The following PCDH15 variants were observed in gnomAD, a reference collection of about 807,000 sequenced individuals.
PCDH15 encodes the protein protocadherin-15.
Under a neutral mutation model 178.5 loss-of-function variants are expected in PCDH15, and 129 were observed. The ratio of observed to expected loss-of-function variants is 0.72; its 90% CI spans 0.63 to 0.84. The LOEUF (loss-of-function observed/expected upper bound fraction) is 0.84, where lower values mean the gene tolerates loss of function less well. Among genes scored for constraint, PCDH15 ranks in the 40% least tolerant of loss-of-function variants. PCDH15 has a pLI of 0.00. For missense variants in PCDH15, 2,230 were observed against 2,099.9 expected (o/e 1.06, Z -1.21); for synonymous variants, 800 against 732.0 (o/e 1.09, Z -1.50).
chr10:54,978,515 G>T (rs1034073505), intron 2 of PCDH15, among the ~76,000 whole-genome samples: 1 of 152,132 alleles, frequency 6.6e-6, no homozygotes, highest in African/African-American at 2.4e-5. Context: ...AGCTGATTAT[G>T]TTGGGAAGCT....
intron 2 of PCDH15, among the ~76,000 whole-genome samples, chr10:55,584,564 G>C (rs964627031): frequency 7.5e-5 from 11 of 146,304 alleles, no homozygotes; most frequent in African/African-American, 2.8e-4. Flanking sequence ...GGCTGAGGCA[G>C]GAAAATTACT....
intron 2 of PCDH15, among the ~76,000 whole-genome samples, chr10:55,066,741 A>T (rs1841574785): frequency 1.3e-5 from 2 of 150,364 alleles, no homozygotes; most frequent in Admixed American, 1.3e-4. Context: ...TTCTCTCAAA[A>T]CTATTTTTTT....
At chr10:54,668,201 C>A (rs1469586335) in intron 1 of PCDH15, among the ~76,000 whole-genome samples, 1 of 151,634 alleles carries the variant, frequency 6.6e-6, no homozygotes, top group Non-Finnish European at 1.5e-5. Flanking sequence ...TATCAGTGAA[C>A]AAAGCTGACA....
At chr10:53,873,331 A>T (rs1345109670) in intron 26 of PCDH15, among the ~76,000 whole-genome samples, 2 of 152,208 alleles carry the variant, frequency 1.3e-5, no homozygotes, top group Non-Finnish European at 2.9e-5. Context: ...AAGTCCATTT[A>T]TGTTGTTTGT....
At chr10:53,998,811 G>C (rs1445563341) in intron 20 of PCDH15, among the ~76,000 whole-genome samples, 2 of 151,932 alleles carry the variant, frequency 1.3e-5, no homozygotes, top group East Asian at 3.9e-4. Context: ...CAACACTTTG[G>C]GAGGCTGAGG....
At chr10:53,808,702 G>A in intron 37 of PCDH15, 1 of 1,612,640 alleles carries the variant, frequency 6.2e-7, no homozygotes, top group Non-Finnish European at 8.5e-7. Context: ...TCAAAGTGCT[G>A]TGTTGTAACC....
At chr10:55,297,710 G>T (rs1843168036) in intron 1 of PCDH15, among the ~76,000 whole-genome samples, 1 of 152,054 alleles carries the variant, frequency 6.6e-6, no homozygotes, top group African/African-American at 2.4e-5. Context: ...ATACTAAGGT[G>T]TTTGCCTAAA....
upstream of PCDH15, among the ~76,000 whole-genome samples, chr10:54,803,124 A>G (rs1272020775): frequency 6.6e-6 from 1 of 152,146 alleles, no homozygotes; most frequent in East Asian, 1.9e-4. Flanking sequence ...ATTTTCTTTG[A>G]AAAAAGTGTT....
intron 2 of PCDH15, among the ~76,000 whole-genome samples, chr10:54,953,705 T>A (rs1166036759): frequency 6.6e-6 from 1 of 151,308 alleles, no homozygotes; most frequent in African/African-American, 2.4e-5. Context: ...GATTATCATA[T>A]TCTATGAAAA....
At chr10:55,193,817 A>G (rs915934450) in intron 1 of PCDH15, among the ~76,000 whole-genome samples, 2 of 151,926 alleles carry the variant, frequency 1.3e-5, no homozygotes, top group African/African-American at 4.8e-5. Flanking sequence ...TTTCAATTAT[A>G]TTATATATAT....
intron 2 of PCDH15, among the ~76,000 whole-genome samples, chr10:54,612,662 GACTT>G: frequency 6.6e-6 from 1 of 151,314 alleles, no homozygotes. Flanking sequence ...ATTTTGCCTC[GACTT>G]ACTTATATAA....
chr10:54,774,743 G>A (rs1356298803), intron 1 of PCDH15, among the ~76,000 whole-genome samples: 1 of 152,072 alleles, frequency 6.6e-6, no homozygotes, highest in Non-Finnish European at 1.5e-5. Flanking sequence ...TTAGCACAAT[G>A]TTTAATGAGT....
intron 25 of PCDH15, among the ~76,000 whole-genome samples, chr10:53,924,210 C>T (rs2084269384): frequency 6.6e-6 from 1 of 152,148 alleles, no homozygotes; most frequent in Admixed American, 6.5e-5. Flanking sequence ...ACCGGGGCTG[C>T]ATGTGGCGCT....
Position 54,920,226 on chromosome 10 carries a change from T to G in PCDH15, c.-79-22726A>C, listed in dbSNP as rs1837448813. On this transcript the variant is annotated intron_variant, in intron 2 of 5. Coordinates refer to the PCDH15 transcript ENST00000458638. ...TGGCTCACGCCTGTAATCCCAGCACTTTGGGAGGCCGAGGCGGGCAGATCA... is the reference window on the plus strand; with the variant it reads ...TGGCTCACGCCTGTAATCCCAGCACGTTGGGAGGCCGAGGCGGGCAGATCA... 2.6e-5 allele frequency among the ~76,000 whole-genome samples: 4 copies of G among 152,076 alleles called. 1 individual carries two copies. The South Asian group carries it at 8.3e-4, about 32-fold the overall frequency.
chr10:54,984,365 G>A (rs112804420), intron 2 of PCDH15, among the ~76,000 whole-genome samples: 46 of 152,208 alleles, frequency 3.0e-4, no homozygotes, highest in African/African-American at 9.4e-4. Context: ...TTCCCTTGGA[G>A]ACTCTCATTA....
chr10:54,782,518 A>G (rs559759910), intron 1 of PCDH15, among the ~76,000 whole-genome samples: 22 of 152,264 alleles, frequency 1.4e-4, no homozygotes, highest in Admixed American at 1.4e-3. Flanking sequence ...TCTTTTTCTA[A>G]TTGATTACAG....
intron 2 of PCDH15, among the ~76,000 whole-genome samples, chr10:54,586,045 AT>A (rs1183805339): frequency 2.0e-5 from 3 of 152,096 alleles, no homozygotes; most frequent in African/African-American, 4.8e-5. Flanking sequence ...TACTCCCAGT[AT>A]TTTCCTTTAA....
intron 3 of PCDH15, among the ~76,000 whole-genome samples, chr10:54,502,563 T>C (rs1328438484): frequency 1.3e-5 from 2 of 152,068 alleles, no homozygotes; most frequent in African/African-American, 2.4e-5. Flanking sequence ...GTTTGTTGTG[T>C]TCTACACTGT....
chr10:54,752,645 T>C (rs1946507401), intron 1 of PCDH15, among the ~76,000 whole-genome samples: 1 of 152,092 alleles, frequency 6.6e-6, no homozygotes, highest in Non-Finnish European at 1.5e-5. Context: ...ATTACATTCT[T>C]TGATGTCCCT....
Sources: gnomAD v4.1 joint callset for allele counts (sites outside exome capture counted in the v4.1 genomes callset) on GRCh38, gnomAD v4.1.1 for gene constraint, MANE v1.5 for transcripts, NCBI Gene and HGNC (gene_info 2026-07-23, HGNC 2026-07-21) for gene names.